The following NAV3 variants were observed in gnomAD, a reference collection of about 807,000 sequenced individuals.
NAV3 encodes the protein pore membrane and/or filament interacting like protein 1.
Under a neutral mutation model 244.7 loss-of-function variants are expected in NAV3, and 87 were observed. The observed-to-expected ratio is 0.36, with a 90% confidence interval of 0.30 to 0.42. The LOEUF is 0.42. Ranked by LOEUF, NAV3 falls within the 20% of genes least tolerant of loss-of-function variation. The pLI is 1.00. For missense variants in NAV3, 2,663 were observed against 2,893.3 expected (o/e 0.92, Z 1.83); for synonymous variants, 1,126 against 1,042.2 (o/e 1.08, Z -1.55).
intron 12 of NAV3, among the ~76,000 whole-genome samples, chr12:78,094,921 C>A (rs1407724826): frequency 6.6e-6 from 1 of 151,550 alleles, no homozygotes; most frequent in Non-Finnish European, 1.5e-5. Flanking sequence ...GTGGCACGTG[C>A]CTGTAGTCCC....
At chr12:77,819,780 A>T (rs1053306936) in intron 2 of NAV3, among the ~76,000 whole-genome samples, 17 of 152,164 alleles carry the variant, frequency 1.1e-4, no homozygotes, top group Non-Finnish European at 2.4e-4. Context: ...CTTTTTCAAC[A>T]TTATGCTTTA....
chr12:77,826,366 T>C (rs1873007112), upstream of NAV3, among the ~76,000 whole-genome samples: 1 of 151,818 alleles, frequency 6.6e-6, no homozygotes, highest in Middle Eastern at 3.4e-3. Context: ...ATGGTGCACA[T>C]CTGTAGTCCA....
chr12:78,048,889 G>C (rs1326533086), intron 9 of NAV3, among the ~76,000 whole-genome samples: 1 of 152,190 alleles, frequency 6.6e-6, no homozygotes, highest in Non-Finnish European at 1.5e-5. Flanking sequence ...GACTGGGGCT[G>C]CTACCTTTCT....
intron 1 of NAV3, among the ~76,000 whole-genome samples, chr12:77,843,268 T>C (rs1262725406): frequency 6.6e-6 from 1 of 152,206 alleles, no homozygotes; most frequent in Non-Finnish European, 1.5e-5. Context: ...AGCTATTGTC[T>C]TCTGATTCCA....
In NAV3 at chr12:78,212,081, T is replaced by C. The variant is rs1960925245; in HGVS notation, c.*1564T>C. ...TGTTTGTCCTGTATTTACAGTTGTTTTTGACTATGCAGGAGCTATCAGTGC... is the reference window on the plus strand; with the variant it reads ...TGTTTGTCCTGTATTTACAGTTGTTCTTGACTATGCAGGAGCTATCAGTGC... On this transcript the variant is annotated 3_prime_UTR_variant, in exon 40 of 40. Coordinates refer to ENST00000397909, the MANE Select transcript of NAV3 (RefSeq NM_001024383.2). 6.6e-6 allele frequency: 1 copy of C among 152,650 alleles called. No homozygotes were observed. Among genetic ancestry groups the C allele is most frequent in the Admixed American group, 6.5e-5 (1 of 15,280 alleles). The allele number at this position is 152,650 out of a possible 1,614,324, so 9.5% of individuals were successfully genotyped here. A position where few individuals can be genotyped will look rare whatever the true frequency, so the allele number is the denominator to read the frequency against.
chr12:77,772,221 G>A (rs1015286406), intron 2 of NAV3, among the ~76,000 whole-genome samples: 2 of 152,126 alleles, frequency 1.3e-5, no homozygotes, highest in African/African-American at 4.8e-5. Context: ...AGACCTGGCT[G>A]ATTTCTATGG....
chr12:78,093,431 G>A lies in NAV3; in HGVS notation c.2637-23341G>A, dbSNP rs965835798. ...AAATCAATTATGGAGTACAAGAACA[G>A]AGGGAACATTTTGATCTCTGGTTAG... On this transcript the variant is annotated intron_variant, in intron 12 of 39. Coordinates refer to ENST00000397909, the MANE Select transcript of NAV3 (RefSeq NM_001024383.2). Among the ~76,000 whole-genome samples, 3 of 152,306 alleles carry A rather than the reference G, an allele frequency of 2.0e-5. No individual in the cohort carries two copies. The East Asian group carries it at 5.8e-4, about 29-fold the overall frequency.
intron 5 of NAV3, among the ~76,000 whole-genome samples, chr12:77,987,492 C>T (rs139409565): frequency 2.5e-3 from 379 of 152,166 alleles, no homozygotes; most frequent in African/African-American, 8.8e-3. Flanking sequence ...CTTTCTGTTC[C>T]CTCCTTTAAC....
chr12:77,973,341 C>T (rs1159224642), intron 5 of NAV3, among the ~76,000 whole-genome samples: 2 of 151,930 alleles, frequency 1.3e-5, no homozygotes, highest in African/African-American at 4.8e-5. Context: ...GTGGCAAAAC[C>T]AGTGGTGATA....
chr12:78,007,711 A>AAACC, intron 8 of NAV3, among the ~76,000 whole-genome samples: 1 of 152,206 alleles, frequency 6.6e-6, no homozygotes, highest in Non-Finnish European at 1.5e-5. Context: ...AGCCAGCTAG[A>AAACC]AACCAGATGC....
At chr12:77,819,567 A>G (rs1872651953) in intron 2 of NAV3, among the ~76,000 whole-genome samples, 1 of 151,802 alleles carries the variant, frequency 6.6e-6, no homozygotes, top group South Asian at 2.1e-4. Flanking sequence ...ATTTTTTTCT[A>G]CTCTCACCGT....
chr12:77,892,564 T>C (rs1884067272), intron 1 of NAV3, among the ~76,000 whole-genome samples: 1 of 152,042 alleles, frequency 6.6e-6, no homozygotes, highest in African/African-American at 2.4e-5. Flanking sequence ...TACAGGTGCA[T>C]GGCACAACAC....
intron 2 of NAV3, among the ~76,000 whole-genome samples, chr12:77,593,562 G>A (rs1411581162): frequency 6.7e-6 from 1 of 150,134 alleles, no homozygotes; most frequent in African/African-American, 2.4e-5. Flanking sequence ...CGATTCTCCT[G>A]CCTTGGCCTC....
At chr12:77,932,155 C>T (rs1316534138) in intron 1 of NAV3, among the ~76,000 whole-genome samples, 1 of 152,046 alleles carries the variant, frequency 6.6e-6, no homozygotes, top group Non-Finnish European at 1.5e-5. Context: ...AAATCAGTTG[C>T]TGGGGTCTCA....
intron 2 of NAV3, among the ~76,000 whole-genome samples, chr12:77,732,385 C>T (rs1317667503): frequency 6.6e-6 from 1 of 151,978 alleles, no homozygotes; most frequent in South Asian, 2.1e-4. Flanking sequence ...TTGAAGAGGG[C>T]TCTTCTCACT....
At chr12:77,726,573 G>GA (rs991270217) in intron 2 of NAV3, among the ~76,000 whole-genome samples, 2 of 151,224 alleles carry the variant, frequency 1.3e-5, no homozygotes, top group Non-Finnish European at 3.0e-5. Flanking sequence ...TGGAAAGAAT[G>GA]AAAAAAAATG....
At chr12:78,153,173 A>G (rs1346437801) in intron 22 of NAV3, among the ~76,000 whole-genome samples, 2 of 152,006 alleles carry the variant, frequency 1.3e-5, no homozygotes, top group East Asian at 3.9e-4. Flanking sequence ...TAAATTTGAA[A>G]TGCATCTATG....
chr12:77,779,031 G>T (rs1215249670), intron 2 of NAV3, among the ~76,000 whole-genome samples: 4 of 152,224 alleles, frequency 2.6e-5, no homozygotes, highest in African/African-American at 9.6e-5. Context: ...AGTTTTACTT[G>T]CAAGCCTTGT....
In NAV3 at chr12:78,137,338, G is replaced by A. The variant is rs1451600920; in HGVS notation, c.4603G>A (p.Gly1535Ser). The A allele has an allele frequency of 6.2e-7, 1 of 1,612,636 alleles. No individual in the cohort carries two copies. Among genetic ancestry groups the A allele is most frequent in the Non-Finnish European group, 8.5e-7 (1 of 1,179,532 alleles). ...EERPRAISHS[G>S]SFRDSMEEVH... is the part of the protein sequence containing the mutation. Reference sequence around the variant, plus strand: ...AAGACCTCGTGCCATCAGTCATTCGGGCTCATTCAGAGACAGCATGGAAGA... The same window carrying A: ...AAGACCTCGTGCCATCAGTCATTCGAGCTCATTCAGAGACAGCATGGAAGA... The change falls in exon 19 of 40, where the codon GGC becomes AGC. Residue 1535 changes from glycine (G) to serine (S), a missense_variant. Around this residue, in one of 6 missense-constraint regions of NAV3, gnomAD observed 354 missense variants for 413.0 expected, o/e 0.86. Coordinates refer to ENST00000397909, the MANE Select transcript of NAV3 (RefSeq NM_001024383.2).
Sources: allele counts gnomAD v4.1 joint callset (sites outside exome capture counted in the v4.1 genomes callset), GRCh38; gene constraint gnomAD v4.1.1; regional missense constraint gnomAD v4.1.1; transcripts MANE v1.5; gene names NCBI Gene and HGNC (gene_info 2026-07-23, HGNC 2026-07-21).